The following IL1RAPL1 variants were observed in gnomAD, a reference collection of about 807,000 sequenced individuals.
IL1RAPL1 encodes the protein interleukin 1 receptor accessory protein like 1.
In IL1RAPL1, 3 loss-of-function variants were observed where a neutral mutation model predicts 48.4. That is an observed-to-expected ratio of 0.06 (90% CI 0.03 to 0.16). The LOEUF is 0.16. IL1RAPL1 is among the 10% of genes least tolerant of loss of function. IL1RAPL1 has a pLI of 1.00. For missense variants in IL1RAPL1, 349 were observed against 530.6 expected (o/e 0.66, Z 3.36); for synonymous variants, 185 against 187.7 (o/e 0.99, Z 0.12).
At chrX:29,449,778 CACAG>C (rs1304902226) in intron 5 of IL1RAPL1, among the ~76,000 whole-genome samples, 6 of 57,611 alleles carry the variant, frequency 1.0e-4, no homozygotes, top group Non-Finnish European at 1.2e-4. Flanking sequence ...CACACACACA[CACAG>C]AGAGAGAGAG....
chrX:28,947,675 C>G (rs184060363), intron 2 of IL1RAPL1, among the ~76,000 whole-genome samples: 44 of 111,166 alleles, frequency 4.0e-4, no homozygotes, highest in Non-Finnish European at 7.2e-4. Context: ...CAAACCTGCA[C>G]GTTGTGCACA....
intron 2 of IL1RAPL1, among the ~76,000 whole-genome samples, chrX:28,821,156 G>T (rs1418382668): frequency 1.8e-5 from 2 of 111,714 alleles, no homozygotes; most frequent in Non-Finnish European, 3.8e-5. Flanking sequence ...ATTTTAACTT[G>T]ATTTGAAATT....
chrX:29,779,343 C>T (rs970720373), intron 6 of IL1RAPL1, among the ~76,000 whole-genome samples: 3 of 111,145 alleles, frequency 2.7e-5, no homozygotes, highest in African/African-American at 9.8e-5. Flanking sequence ...TGATGCTGCA[C>T]CCAATTGGAA....
At chrX:28,641,724 G>A (rs1196915219) in intron 1 of IL1RAPL1, among the ~76,000 whole-genome samples, 6 of 111,588 alleles carry the variant, frequency 5.4e-5, no homozygotes, top group Non-Finnish European at 1.1e-4. Flanking sequence ...ATCCTTTCCA[G>A]CATCTGTTGT....
intron 6 of IL1RAPL1, among the ~76,000 whole-genome samples, chrX:29,831,933 T>C (rs1035391707): frequency 1.8e-5 from 2 of 111,901 alleles, no homozygotes; most frequent in Non-Finnish European, 3.8e-5. Context: ...TTGTAGTTAA[T>C]ATACAAAGAG....
chrX:28,736,574 G>A (rs1465098662), intron 1 of IL1RAPL1, among the ~76,000 whole-genome samples: 1 of 111,722 alleles, frequency 9.0e-6, no homozygotes, highest in Non-Finnish European at 1.9e-5. Context: ...ACATTAAAAT[G>A]ACTTAGTTTA....
chrX:28,914,455 A>G (rs887544169), intron 2 of IL1RAPL1, among the ~76,000 whole-genome samples: 20 of 112,065 alleles, frequency 1.8e-4, no homozygotes, highest in African/African-American at 6.5e-4. Context: ...AAATGACCTT[A>G]AATTATTCCA....
chrX:29,059,085 C>T (rs184090126), intron 2 of IL1RAPL1, among the ~76,000 whole-genome samples: 3 of 111,573 alleles, frequency 2.7e-5, no homozygotes, highest in East Asian at 2.8e-4. Context: ...AAATTTTCAC[C>T]GTGCAACTCG....
At chrX:29,115,502 G>A (rs911215768) in intron 2 of IL1RAPL1, among the ~76,000 whole-genome samples, 1 of 110,649 alleles carries the variant, frequency 9.0e-6, no homozygotes, top group African/African-American at 3.3e-5. Context: ...TTATTGTTAT[G>A]TAGTCTTTTG....
chrX:28,767,895 C>G (rs941240498), intron 1 of IL1RAPL1, among the ~76,000 whole-genome samples: 1 of 111,522 alleles, frequency 9.0e-6, no homozygotes, highest in African/African-American at 3.3e-5. Context: ...TTCTGGAAGT[C>G]TGGGGATTTA....
rs1366464632 is a variant in IL1RAPL1, at chrX:28,762,786, G to GCGCGCGCACACACA, written c.-24-26533_-24-26532insGCGCGCACACACAC. On this transcript the variant is annotated intron_variant, in intron 1 of 10. Transcript: ENST00000378993. ...TATAAAATCTAATACGCACGCGCGCGCACACACACACACACACACACACAC... is the reference window on the plus strand; with the variant it reads ...TATAAAATCTAATACGCACGCGCGCGCGCGCGCACACACACACACACACACACACACACACACAC... 3.2e-3 allele frequency among the ~76,000 whole-genome samples: 200 copies of GCGCGCGCACACACA among 62,952 alleles called. 1 individual carries two copies. Among genetic ancestry groups the GCGCGCGCACACACA allele is most frequent in the African/African-American group, 0.012 (194 of 15,833 alleles). 54.7% of individuals were successfully genotyped at this position (62,952 alleles called of 115,157 possible). A position where few individuals can be genotyped will look rare whatever the true frequency, so the allele number is the denominator to read the frequency against.
At chrX:29,222,470 A>G (rs1931000921) in intron 2 of IL1RAPL1, among the ~76,000 whole-genome samples, 1 of 112,150 alleles carries the variant, frequency 8.9e-6, no homozygotes, top group African/African-American at 3.2e-5. Context: ...TGCTAGGTCA[A>G]TATTTGTTCA....
intron 1 of IL1RAPL1, among the ~76,000 whole-genome samples, chrX:28,692,982 G>A (rs1344646719): frequency 8.9e-6 from 1 of 111,954 alleles, no homozygotes; most frequent in Non-Finnish European, 1.9e-5. Context: ...GTAATGGATA[G>A]GTCCATATAT....
chrX:29,769,487 A>G (rs1929000964), intron 6 of IL1RAPL1, among the ~76,000 whole-genome samples: 1 of 74,432 alleles, frequency 1.3e-5, no homozygotes, highest in Non-Finnish European at 2.3e-5. Context: ...TCTGTTGCCC[A>G]GGCTGGAGTG....
At chrX:28,768,166 T>C (rs894543544) in intron 1 of IL1RAPL1, among the ~76,000 whole-genome samples, 1 of 111,913 alleles carries the variant, frequency 8.9e-6, no homozygotes, top group African/African-American at 3.2e-5. Context: ...AAATTATAAC[T>C]CAGTTTCGTT....
At chrX:29,734,074 G>T (rs1569156440) in intron 6 of IL1RAPL1, among the ~76,000 whole-genome samples, 1 of 112,526 alleles carries the variant, frequency 8.9e-6, no homozygotes, top group East Asian at 2.8e-4. Flanking sequence ...CATTGCTAGG[G>T]CAATTACCTA....
intron 5 of IL1RAPL1, among the ~76,000 whole-genome samples, chrX:29,440,730 A>C (rs988348931): frequency 2.7e-5 from 3 of 112,463 alleles, no homozygotes; most frequent in Non-Finnish European, 3.8e-5. Context: ...AAAAAGAGCA[A>C]ATTTCAGTGA....
At chrX:28,677,845 C>T (rs1322822643) in intron 1 of IL1RAPL1, among the ~76,000 whole-genome samples, 2 of 111,472 alleles carry the variant, frequency 1.8e-5, no homozygotes, top group Admixed American at 1.9e-4. Flanking sequence ...CTCTTAGCCT[C>T]CCAAAGTGTT....
At chrX:29,820,733 C>G (rs1037832731) in intron 6 of IL1RAPL1, among the ~76,000 whole-genome samples, 6 of 111,950 alleles carry the variant, frequency 5.4e-5, no homozygotes, top group African/African-American at 2.0e-4. Context: ...GAAGTTCCAG[C>G]TCTGATTACT....
Sources: gnomAD v4.1 joint callset for allele counts (sites outside exome capture counted in the v4.1 genomes callset) on GRCh38, gnomAD v4.1.1 for gene constraint, MANE v1.5 for transcripts, NCBI Gene and HGNC (gene_info 2026-07-23, HGNC 2026-07-21) for gene names.